Variants in PDE10A observed in about 807,000 individuals in gnomAD.
The protein encoded by PDE10A is phosphodiesterase 10A, also known as cAMP and cAMP-inhibited cGMP 3',5'-cyclic phosphodiesterase 10A.
In PDE10A, 39 loss-of-function variants were observed where a neutral mutation model predicts 97.7. The ratio of observed to expected loss-of-function variants is 0.40; its 90% CI spans 0.31 to 0.52. PDE10A has a LOEUF of 0.52. PDE10A is among the 20% of genes least tolerant of loss of function. The pLI is 0.56. For missense variants in PDE10A, 731 were observed against 1,047.8 expected, an observed-to-expected ratio of 0.70 and a Z score of 4.17; for synonymous variants, 371 against 376.8, an observed-to-expected ratio of 0.98 and a Z score of 0.18.
intron 20 of PDE10A, among the ~76,000 whole-genome samples, chr6:165,337,865 T>C (rs544993918): frequency 1.3e-5 from 2 of 152,238 alleles, no homozygotes; most frequent in South Asian, 2.1e-4. Context: ...CTATCTTAAA[T>C]AATATAACAA....
intron 1 of PDE10A, among the ~76,000 whole-genome samples, chr6:165,811,978 G>C (rs1386390835): frequency 6.6e-6 from 1 of 151,896 alleles, no homozygotes; most frequent in South Asian, 2.1e-4. Context: ...CTAGCCTCCC[G>C]AGTAGCTGGG....
intron 1 of PDE10A, among the ~76,000 whole-genome samples, chr6:165,831,678 G>A (rs1378288090): frequency 6.6e-6 from 1 of 151,616 alleles, no homozygotes; most frequent in African/African-American, 2.4e-5. Context: ...GTAGAGACGG[G>A]GTTTCACCGT....
intron 5 of PDE10A, among the ~76,000 whole-genome samples, chr6:165,438,530 T>C (rs1361969500): frequency 6.6e-6 from 1 of 152,246 alleles, no homozygotes; most frequent in Non-Finnish European, 1.5e-5. Flanking sequence ...TTCCCAATTC[T>C]GTATCTTTAG....
At chr6:165,883,554 T>TAAAATAA (rs33951925) in intron 1 of PDE10A, among the ~76,000 whole-genome samples, 1 of 148,352 alleles carries the variant, frequency 6.7e-6, no homozygotes, top group Non-Finnish European at 1.5e-5. Context: ...AAAAAAAAAA[T>TAAAATAA]AAATAAAAAT....
At position 165,711,072 on chromosome 6, in the gene PDE10A, G is replaced by T. The variant is rs999861141; in HGVS notation, c.-614-167504C>A. On this transcript the variant is annotated intron_variant, in intron 1 of 19. Coordinates refer to the PDE10A transcript ENST00000366882. This position sits in a 1 kb window ranked among gnomAD's most constrained non-coding sequence, Gnocchi z 4.5. ...TTCTGCTGGGTCATCGCTCATCTGC[G>T]CCCGGGGGTCTGTCCCGCTCCTCAA... Among the ~76,000 whole-genome samples the T allele has an allele frequency of 3.3e-5, 5 of 152,206 alleles. No individual in the cohort carries two copies. The highest frequency in any genetic ancestry group is 7.3e-5 in the Non-Finnish European group (5 of 68,040).
chr6:165,665,299 C>G (rs1485618579), upstream of PDE10A, among the ~76,000 whole-genome samples: 1 of 152,228 alleles, frequency 6.6e-6, no homozygotes, highest in Non-Finnish European at 1.5e-5. Context: ...GACAAAGGCG[C>G]AGACATACAG....
intron 3 of PDE10A, among the ~76,000 whole-genome samples, chr6:165,455,417 G>A (rs905829987): frequency 6.6e-6 from 1 of 152,164 alleles, no homozygotes; most frequent in Admixed American, 6.5e-5. Flanking sequence ...GGATCCCCAC[G>A]TAGGAAGGGA....
chr6:165,698,620 T>C (rs1791496453), intron 1 of PDE10A, among the ~76,000 whole-genome samples: 1 of 152,164 alleles, frequency 6.6e-6, no homozygotes, highest in Non-Finnish European at 1.5e-5. Context: ...GAGGCTGAGG[T>C]GGGTGGATCA....
intron 1 of PDE10A, among the ~76,000 whole-genome samples, chr6:165,553,696 C>T (rs1387688290): frequency 2.0e-5 from 3 of 152,164 alleles, no homozygotes; most frequent in Non-Finnish European, 4.4e-5. Flanking sequence ...TTGCATTTAT[C>T]AGAAGATAAA....
Position 165,942,586 on chromosome 6 carries a change from C to A in PDE10A, c.-615+44943G>T, listed in dbSNP as rs529535032. Among the ~76,000 whole-genome samples the A allele has an allele frequency of 3.9e-5, 6 of 152,260 alleles. No individual in the cohort carries two copies. The East Asian group carries it at 1.2e-3, about 29-fold the overall frequency. ...TCGCCGCTCTGCCCCCGCTCTGCCC[C>A]GCTCTCGGGCCTCTGCTCACCTGCC... On this transcript the variant is annotated intron_variant, in intron 1 of 19. Coordinates refer to the PDE10A transcript ENST00000366882.
chr6:165,662,226 G>C lies in PDE10A; in HGVS notation c.586C>G (p.Leu196Val), dbSNP rs1023415612. Reference sequence around the variant, plus strand: ...AGCAAGCCCTGGAGCGCAGGCGAGAGGAAGAGCCGCCGCCGCCCGCCGCCG... The same window carrying C: ...AGCAAGCCCTGGAGCGCAGGCGAGACGAAGAGCCGCCGCCGCCCGCCGCCG... ...GSGGGRRRLF[L>V]SPALQGLLLP... Residue 196 changes from leucine (L) to valine (V), a missense_variant, in exon 1 of 22, where the codon CTC becomes GTC. Transcript: ENST00000539869. 4.2e-5 allele frequency: 8 copies of C among 188,360 alleles called. No homozygotes were observed. In the South Asian group the frequency reaches 4.6e-4, roughly 11 times the overall value. The allele number at this position is 188,360 out of a possible 1,614,324, so 11.7% of individuals were successfully genotyped here.
At chr6:165,826,484 C>A (rs571596478) in intron 1 of PDE10A, among the ~76,000 whole-genome samples, 19 of 150,374 alleles carry the variant, frequency 1.3e-4, no homozygotes, top group Non-Finnish European at 2.2e-4. Context: ...CCTGTCCCCA[C>A]GTCCCTCTGT....
At position 165,388,293 on chromosome 6, in the gene PDE10A, C is replaced by G. The variant is rs749916344; in HGVS notation, c.2610+5G>C. ...CTAAGCGAGAGACGGCGTGCAGTGA[C>G]TCACCTGGAGGATGGACACAGTCTG... is the stretch of plus-strand genomic sequence containing the variant. On this transcript the variant is annotated splice_donor_5th_base_variant and intron_variant, in intron 17 of 21. Transcript: ENST00000539869. The surrounding 1 kb of genome is among the most constrained non-coding windows in gnomAD (Gnocchi z 4.0). 1 of 1,613,804 alleles carries G rather than the reference C, an allele frequency of 6.2e-7. No individual in the cohort carries two copies. The highest frequency in any genetic ancestry group is 1.1e-5 in the South Asian group (1 of 91,070).
At chr6:165,434,043 T>TAAAA (rs1789819225) in intron 6 of PDE10A, among the ~76,000 whole-genome samples, 7 of 124,710 alleles carry the variant, frequency 5.6e-5, no homozygotes, top group African/African-American at 1.7e-4. Context: ...AAAAAAGAAG[T>TAAAA]AGTACAGGGA....
At chr6:165,866,202 G>C (rs1208137888) in intron 1 of PDE10A, among the ~76,000 whole-genome samples, 1 of 151,960 alleles carries the variant, frequency 6.6e-6, no homozygotes, top group Admixed American at 6.6e-5. Context: ...TCACCAGTAA[G>C]AGTTTAAATA....
intron 1 of PDE10A, among the ~76,000 whole-genome samples, chr6:165,577,365 C>G (rs139828480): frequency 2.6e-5 from 4 of 152,172 alleles, no homozygotes; most frequent in African/African-American, 9.7e-5. Flanking sequence ...AAGTCCATGA[C>G]CAGCCCATGC....
At chr6:165,645,143 G>A (rs1789326779) in intron 1 of PDE10A, among the ~76,000 whole-genome samples, 1 of 152,144 alleles carries the variant, frequency 6.6e-6, no homozygotes, top group South Asian at 2.1e-4. Context: ...TCTGAGCCTT[G>A]CTGCTTTCAT....
intron 12 of PDE10A, 24 bp from the exon 13 acceptor site, chr6:165,413,711 T>TAAC (rs112249661): frequency 0.011 from 16,773 of 1,572,124 alleles, 837 homozygotes; most frequent in African/African-American, 0.095. Flanking sequence ...GAACCAAAAA[T>TAAC]AACAACAACA....
At chr6:165,423,423 G>A (rs773261111) in intron 10 of PDE10A, among the ~76,000 whole-genome samples, 1 of 152,184 alleles carries the variant, frequency 6.6e-6, no homozygotes, top group African/African-American at 2.4e-5. Flanking sequence ...AGGTATGTTT[G>A]TTGGTTACGA....
Sources: allele counts gnomAD v4.1 joint callset (sites outside exome capture counted in the v4.1 genomes callset), GRCh38; gene constraint gnomAD v4.1.1; non-coding constraint Gnocchi (gnomAD v3.1); transcripts MANE v1.5; gene names NCBI Gene and HGNC (gene_info 2026-07-23, HGNC 2026-07-21).